Variants in RORA observed in about 807,000 individuals in gnomAD.
RORA encodes the protein RAR related orphan receptor A.
In RORA, 7 loss-of-function variants were observed where a neutral mutation model predicts 69.5. The ratio of observed to expected loss-of-function variants is 0.10; its 90% CI spans 0.06 to 0.19. The LOEUF is 0.19. RORA is among the 10% of genes least tolerant of loss of function. The pLI is 1.00. For missense variants in RORA, 457 were observed against 663.0 expected, an observed-to-expected ratio of 0.69 and a Z score of 3.41; for synonymous variants, 261 against 240.8, an observed-to-expected ratio of 1.08 and a Z score of -0.78.
At chr15:60,576,448 G>A (rs2068028720) in intron 2 of RORA, among the ~76,000 whole-genome samples, 1 of 152,226 alleles carries the variant, frequency 6.6e-6, no homozygotes. Flanking sequence ...AGAGGCAGAT[G>A]GCCCAGCCAC....
chr15:61,202,000 C>T (rs2079899186), intron 1 of RORA, among the ~76,000 whole-genome samples: 1 of 132,616 alleles, frequency 7.5e-6, no homozygotes. Context: ...TTTATCAACC[C>T]TGCTTGATCT....
intron 2 of RORA, among the ~76,000 whole-genome samples, chr15:60,677,580 C>CTTTTTTTTTTTTTTTTTT (rs71122869): frequency 7.2e-6 from 1 of 139,546 alleles, no homozygotes; most frequent in Non-Finnish European, 1.6e-5. Flanking sequence ...TTGGTTTTTT[C>CTTTTTTTTTTTTTTTTTT]TTTTTTTTTT....
At chr15:60,536,004 C>A (rs1047068372) in intron 2 of RORA, among the ~76,000 whole-genome samples, 1 of 152,184 alleles carries the variant, frequency 6.6e-6, no homozygotes, top group Non-Finnish European at 1.5e-5. Context: ...ATGTCAACAT[C>A]TCTTGCTGGG....
intron 1 of RORA, among the ~76,000 whole-genome samples, chr15:61,015,562 T>C (rs1445192174): frequency 2.0e-5 from 3 of 152,220 alleles, no homozygotes; most frequent in Non-Finnish European, 4.4e-5. Context: ...TTCATATTTA[T>C]TGAAGTTATT....
intron 1 of RORA, among the ~76,000 whole-genome samples, chr15:60,887,419 AT>A (rs910749845): frequency 1.6e-4 from 24 of 152,318 alleles, no homozygotes; most frequent in African/African-American, 5.5e-4. Context: ...TCTCAGAATT[AT>A]TGAAGACTCA....
intron 1 of RORA, among the ~76,000 whole-genome samples, chr15:61,145,358 T>C (rs1816625): frequency 0.079 from 12,005 of 152,226 alleles, 768 homozygotes; most frequent in South Asian, 0.23. Context: ...AATTTACAGA[T>C]ATGGACACAG....
intron 2 of RORA, among the ~76,000 whole-genome samples, chr15:60,562,410 A>AT (rs200001389): frequency 0.037 from 4,830 of 129,094 alleles, 264 homozygotes; most frequent in African/African-American, 0.14. Flanking sequence ...TAGTTTTTAC[A>AT]TTTTTTTTTT....
rs951951420 is a variant in RORA, at chr15:60,825,846, G to T, written c.167-147160C>A. 5.9e-5 allele frequency among the ~76,000 whole-genome samples: 9 copies of T among 152,318 alleles called. 1 individual carries two copies. The highest frequency in any genetic ancestry group is 1.0e-4 in the Non-Finnish European group (7 of 68,030). ...CTTGTCTGATTATTGGGCAGAACAAGCAGCGGCCATCCAGAATAACATGAA... is the reference window on the plus strand; with the variant it reads ...CTTGTCTGATTATTGGGCAGAACAATCAGCGGCCATCCAGAATAACATGAA... On this transcript the variant is annotated intron_variant, in intron 1 of 10. Coordinates refer to ENST00000335670, the MANE Select transcript of RORA (RefSeq NM_134261.3).
Position 60,568,211 on chromosome 15 carries a change from T to C in RORA, c.197-36360A>G, listed in dbSNP as rs184336604. On this transcript the variant is annotated intron_variant, in intron 2 of 10. Transcript: ENST00000335670. ...TGGAAAATGGATAGGACAATGCTTA[T>C]GTCTCCTGCTGTTACCTCTGCCCCT... 3.3e-3 allele frequency among the ~76,000 whole-genome samples: 501 copies of C among 152,330 alleles called. 1 individual carries two copies. The highest frequency in any genetic ancestry group is 0.011 in the African/African-American group (475 of 41,576).
At chr15:61,206,933 G>C (rs912588622) in intron 1 of RORA, among the ~76,000 whole-genome samples, 3 of 152,208 alleles carry the variant, frequency 2.0e-5, no homozygotes, top group African/African-American at 7.2e-5. Context: ...ACTTCCACCA[G>C]TGGGAACAGT....
At chr15:61,182,737 A>G (rs767676737) in intron 1 of RORA, among the ~76,000 whole-genome samples, 11 of 152,238 alleles carry the variant, frequency 7.2e-5, no homozygotes, top group Non-Finnish European at 1.2e-4. Context: ...AGGGAATCAG[A>G]TCGAGGTTCA....
intron 1 of RORA, among the ~76,000 whole-genome samples, chr15:61,172,569 C>G (rs953854431): frequency 1.3e-5 from 2 of 152,152 alleles, no homozygotes; most frequent in African/African-American, 4.8e-5. Flanking sequence ...TCTCAGGGCC[C>G]CGGAGGAATG....
intron 1 of RORA, among the ~76,000 whole-genome samples, chr15:61,109,677 T>C (rs1344260918): frequency 2.0e-5 from 3 of 152,246 alleles, no homozygotes; most frequent in African/African-American, 7.2e-5. Context: ...CTGTGGCACA[T>C]GCAGAATAGT....
intron 1 of RORA, among the ~76,000 whole-genome samples, chr15:60,819,769 A>ACACACACGCACACACACACACACACACG (rs757674029): frequency 1.3e-5 from 2 of 150,046 alleles, no homozygotes; most frequent in African/African-American, 4.9e-5. Flanking sequence ...ACACACACAC[A>ACACACACGCACACACACACACACACACG]CACACACACA....
intron 1 of RORA, among the ~76,000 whole-genome samples, chr15:60,758,174 C>T (rs2071830002): frequency 6.6e-6 from 1 of 152,180 alleles, no homozygotes; most frequent in Non-Finnish European, 1.5e-5. Flanking sequence ...TTGTTCACCT[C>T]TACCATCCAG....
At chr15:61,119,359 G>A (rs575340608) in intron 1 of RORA, among the ~76,000 whole-genome samples, 4 of 150,976 alleles carry the variant, frequency 2.6e-5, no homozygotes, top group Non-Finnish European at 2.9e-5. Flanking sequence ...CACCGTGCCT[G>A]CCTAAGGTTT....
chr15:61,062,271 T>G (rs145663946), intron 1 of RORA, among the ~76,000 whole-genome samples: 214 of 152,292 alleles, frequency 1.4e-3, no homozygotes, highest in Non-Finnish European at 2.7e-3. Flanking sequence ...GGGCCCAGCT[T>G]CCCAAGTTTG....
At chr15:60,603,318 C>A (rs979600786) in intron 2 of RORA, among the ~76,000 whole-genome samples, 1 of 152,150 alleles carries the variant, frequency 6.6e-6, no homozygotes. Flanking sequence ...TGGATATATA[C>A]ATTTAATTAT....
At chr15:60,703,112 C>T (rs547303917) in intron 1 of RORA, among the ~76,000 whole-genome samples, 67 of 147,968 alleles carry the variant, frequency 4.5e-4, no homozygotes, top group African/African-American at 1.3e-3. Flanking sequence ...AGCAAGGAGA[C>T]GATGCTTCAG....
Sources: allele counts gnomAD v4.1 joint callset (sites outside exome capture counted in the v4.1 genomes callset), GRCh38; gene constraint gnomAD v4.1.1; transcripts MANE v1.5; gene names NCBI Gene and HGNC (gene_info 2026-07-23, HGNC 2026-07-21).